The following CAMTA1 variants were observed in gnomAD, a reference collection of about 807,000 sequenced individuals.
CAMTA1 encodes the protein calmodulin-binding transcription activator 1.
Under a neutral mutation model 170.9 loss-of-function variants are expected in CAMTA1, and 27 were observed. The observed-to-expected ratio is 0.16, with a 90% CI of 0.12 to 0.22. CAMTA1 has a LOEUF of 0.22. Ranked by LOEUF, CAMTA1 falls within the 10% of genes least tolerant of loss-of-function variation. CAMTA1 has a pLI of 1.00. For missense variants in CAMTA1, 1,619 were observed against 2,217.2 expected (o/e 0.73, Z 5.42); for synonymous variants, 833 against 891.5 (o/e 0.93, Z 1.17).
At chr1:6,923,713 A>G (rs1004035326) in intron 3 of CAMTA1, among the ~76,000 whole-genome samples, 2 of 152,038 alleles carry the variant, frequency 1.3e-5, no homozygotes, top group African/African-American at 4.8e-5. Flanking sequence ...TGAGTGACCA[A>G]TGTCCTAGAT....
At chr1:7,498,185 AGAGT>A (rs147778762) in intron 6 of CAMTA1, among the ~76,000 whole-genome samples, 12 of 140,750 alleles carry the variant, frequency 8.5e-5, no homozygotes, top group East Asian at 4.9e-4. Flanking sequence ...TGTGTGTATG[AGAGT>A]GAGTGTGTGT....
At chr1:7,259,530 A>G (rs1011627212) in intron 5 of CAMTA1, among the ~76,000 whole-genome samples, 2 of 152,206 alleles carry the variant, frequency 1.3e-5, no homozygotes, top group Non-Finnish European at 2.9e-5. Flanking sequence ...AAGGATTGGG[A>G]CACGCCATTC....
intron 5 of CAMTA1, among the ~76,000 whole-genome samples, chr1:7,383,383 T>C (rs2087570629): frequency 6.6e-6 from 1 of 152,212 alleles, no homozygotes; most frequent in Non-Finnish European, 1.5e-5. Flanking sequence ...GTGTGTAGTA[T>C]AGCAATCTGG....
intron 4 of CAMTA1, among the ~76,000 whole-genome samples, chr1:7,140,325 T>A (rs1428988971): frequency 6.6e-6 from 1 of 152,142 alleles, no homozygotes; most frequent in Non-Finnish European, 1.5e-5. Context: ...CATGGCAACT[T>A]TTTTTTCCCC....
Position 7,737,374 on chromosome 1 carries a change from G to A in CAMTA1, c.3462G>A (p.Arg1154=), listed in dbSNP as rs772641732. ...GRLPLGIARS[R]GHVKLAECLE... ...TGCCTTTGGGAATTGCCAGGTCACG[G>A]GGTCATGTGAAATTAGCAGAGTGTC... Residue 1154 remains arginine, a synonymous_variant, in exon 15 of 23, where the codon CGG becomes CGA. Coordinates refer to ENST00000303635, the MANE Select transcript of CAMTA1 (RefSeq NM_015215.4). 2.1e-5 allele frequency: 34 copies of A among 1,614,100 alleles called. No individual in the cohort carries two copies. The South Asian group carries it at 3.1e-4, about 15-fold the overall frequency.
chr1:7,396,290 A>T (rs1207538091), intron 5 of CAMTA1, among the ~76,000 whole-genome samples: 1 of 152,160 alleles, frequency 6.6e-6, no homozygotes. Context: ...CTCTTCCACC[A>T]TGAGTGGAAA....
chr1:7,233,990 G>C (rs1574080282), intron 4 of CAMTA1, among the ~76,000 whole-genome samples: 1 of 152,120 alleles, frequency 6.6e-6, no homozygotes, highest in East Asian at 1.9e-4. Flanking sequence ...CACTCTCCAG[G>C]TTAATTTATG....
At chr1:7,558,927 G>A (rs529645838) in intron 6 of CAMTA1, among the ~76,000 whole-genome samples, 1 of 152,338 alleles carries the variant, frequency 6.6e-6, no homozygotes, top group South Asian at 2.1e-4. Context: ...CACTGAGCTG[G>A]TGCAGCCTTT....
intron 1 of CAMTA1, among the ~76,000 whole-genome samples, chr1:6,788,415 C>A (rs1640050047): frequency 6.6e-6 from 1 of 152,138 alleles, no homozygotes; most frequent in African/African-American, 2.4e-5. Flanking sequence ...TCTGTGACTT[C>A]TGGACTTTGC....
At position 7,108,344 on chromosome 1, in the gene CAMTA1, G is replaced by A. The variant is rs543078280; in HGVS notation, c.302+16973G>A. Among the ~76,000 whole-genome samples, 4 of 152,244 alleles carry A rather than the reference G, an allele frequency of 2.6e-5. No individual in the cohort carries two copies. In the South Asian group the frequency reaches 8.3e-4, roughly 32 times the overall value. On this transcript the variant is annotated intron_variant, in intron 4 of 22. Transcript: ENST00000303635. Reference sequence around the variant, plus strand: ...GTTGTGAGGAGTACATGAGTGAAGCGTGTTAAGAACTTAGGGCTTAGTGTC... The same window carrying A: ...GTTGTGAGGAGTACATGAGTGAAGCATGTTAAGAACTTAGGGCTTAGTGTC...
intron 6 of CAMTA1, among the ~76,000 whole-genome samples, chr1:7,587,558 G>A (rs1469366970): frequency 6.6e-6 from 1 of 152,082 alleles, no homozygotes; most frequent in East Asian, 1.9e-4. Flanking sequence ...ATCAGGGTGA[G>A]TAATACCTCG....
chr1:7,048,758 C>T (rs532503967), intron 3 of CAMTA1, among the ~76,000 whole-genome samples: 3 of 152,268 alleles, frequency 2.0e-5, no homozygotes, highest in Non-Finnish European at 2.9e-5. Context: ...CAGCTTGCAC[C>T]GCACTCAGGT....
chr1:7,439,579 GT>G (rs2092457743), intron 5 of CAMTA1, among the ~76,000 whole-genome samples: 1 of 152,328 alleles, frequency 6.6e-6, no homozygotes, highest in South Asian at 2.1e-4. Flanking sequence ...TGAGCTACTG[GT>G]TAACAGGCTC....
Position 7,050,918 on chromosome 1 carries a change from G to A in CAMTA1, c.235-40386G>A, listed in dbSNP as rs1033864439. On this transcript the variant is annotated intron_variant, in intron 3 of 22. Coordinates refer to ENST00000303635, the MANE Select transcript of CAMTA1 (RefSeq NM_015215.4). The surrounding 1 kb of genome is among the most constrained non-coding windows in gnomAD (Gnocchi z 4.8). The stretch of plus-strand genomic sequence containing the variant: ...TTGAGGCCCCACTGCAGGGAGCAGC[G>A]CTGGAAGCCCGGCCCTCTGTACTGT... Among the ~76,000 whole-genome samples the A allele has an allele frequency of 9.9e-5, 15 of 152,192 alleles. 1 individual carries two copies. The South Asian group carries it at 3.1e-3, about 32-fold the overall frequency.
intron 5 of CAMTA1, among the ~76,000 whole-genome samples, chr1:7,285,225 AT>A (rs1265437474): frequency 1.3e-5 from 2 of 152,174 alleles, no homozygotes; most frequent in African/African-American, 2.4e-5. Flanking sequence ...GTGAGAGCCC[AT>A]TTCCTGTTCT....
Position 7,635,818 on chromosome 1 carries a change from A to C in CAMTA1, c.511-4582A>C, listed in dbSNP as rs186771933. Among the ~76,000 whole-genome samples the C allele has an allele frequency of 6.6e-6, 1 of 152,214 alleles. No homozygotes were observed. Among genetic ancestry groups the C allele is most frequent in the East Asian group, 1.9e-4 (1 of 5,194 alleles). ...TGATACATTAGGACTCCAAGCTAAT[A>C]TATTTTTCTGCCAAAAACACCCAAT... On this transcript the variant is annotated intron_variant, in intron 6 of 22. Transcript: ENST00000303635. This position sits in a 1 kb window ranked among gnomAD's most constrained non-coding sequence, Gnocchi z 4.4.
chr1:7,129,431 T>G lies in CAMTA1; in HGVS notation c.302+38060T>G, dbSNP rs151139932. On this transcript the variant is annotated intron_variant, in intron 4 of 22. Coordinates refer to ENST00000303635, the MANE Select transcript of CAMTA1 (RefSeq NM_015215.4). ...TGCTCTGTCTCCAGGACTCACTGCTTTAGAATAGTACCATGTTCTGTCACC... is the reference window on the plus strand; with the variant it reads ...TGCTCTGTCTCCAGGACTCACTGCTGTAGAATAGTACCATGTTCTGTCACC... Among the ~76,000 whole-genome samples, 12 of 152,218 alleles carry G rather than the reference T, an allele frequency of 7.9e-5. No homozygotes were observed. In the East Asian group the frequency reaches 2.1e-3, roughly 27 times the overall value.
At position 7,214,166 on chromosome 1, in the gene CAMTA1, T is replaced by A. The variant is rs577153475; in HGVS notation, c.303-35325T>A. Among the ~76,000 whole-genome samples the A allele has an allele frequency of 2.0e-5, 3 of 152,254 alleles. No individual in the cohort carries two copies. The East Asian group carries it at 5.8e-4, about 29-fold the overall frequency. ...GTCAAATGGTAATTCTAGTTCTAGATCCCTGAGGAATCGCCACACTGACTT... is the reference window on the plus strand; with the variant it reads ...GTCAAATGGTAATTCTAGTTCTAGAACCCTGAGGAATCGCCACACTGACTT... On this transcript the variant is annotated intron_variant, in intron 4 of 22. Transcript: ENST00000303635.
In CAMTA1 at chr1:7,144,955, T is replaced by C. The variant is rs1646098907; in HGVS notation, c.302+53584T>C. On this transcript the variant is annotated intron_variant, in intron 4 of 22. Coordinates refer to ENST00000303635, the MANE Select transcript of CAMTA1 (RefSeq NM_015215.4). The surrounding 1 kb of genome is among the most constrained non-coding windows in gnomAD (Gnocchi z 4.0). Reference sequence around the variant, plus strand: ...ATGCAGACAGGAAGGCCGAGTAACCTCTCAAGCTCTGCAGCGGTTGGGAGG... The same window carrying C: ...ATGCAGACAGGAAGGCCGAGTAACCCCTCAAGCTCTGCAGCGGTTGGGAGG... Among the ~76,000 whole-genome samples, 1 of 152,250 alleles carries C rather than the reference T, an allele frequency of 6.6e-6. No individual in the cohort carries two copies. The highest frequency in any genetic ancestry group is 1.5e-5 in the Non-Finnish European group (1 of 68,046).
Sources: gnomAD v4.1 joint callset for allele counts (sites outside exome capture counted in the v4.1 genomes callset) on GRCh38, gnomAD v4.1.1 for gene constraint, Gnocchi (gnomAD v3.1) non-coding constraint, MANE v1.5 for transcripts, NCBI Gene and HGNC (gene_info 2026-07-23, HGNC 2026-07-21) for gene names.